The following PTPRN2 variants were observed in gnomAD, a reference collection of about 807,000 sequenced individuals.
PTPRN2 encodes the protein protein tyrosine phosphatase receptor type N2.
PTPRN2 carries 74 observed loss-of-function variants against 118.8 expected under a neutral mutation model. The observed-to-expected ratio is 0.62, with a 90% confidence interval of 0.52 to 0.76. The LOEUF is 0.76. Among genes scored for constraint, PTPRN2 ranks in the 30% least tolerant of loss-of-function variants. The pLI is 0.00. For missense variants in PTPRN2, 1,481 were observed against 1,394.4 expected (o/e 1.06, Z -0.99); for synonymous variants, 641 against 608.0 (o/e 1.05, Z -0.80).
rs537054501 is a variant in PTPRN2 at position 158,328,907 on chromosome 7, C to T, written c.164-11975G>A. Among the ~76,000 whole-genome samples, 26 of 150,522 alleles carry T rather than the reference C, an allele frequency of 1.7e-4. No individual in the cohort carries two copies. The East Asian group carries it at 5.1e-3, about 30-fold the overall frequency. On this transcript the variant is annotated intron_variant, in intron 2 of 22. Transcript: ENST00000389418. ...CTGTTCCTCTCGCCACCCAGGGATC[C>T]CAGTGAGGCCTGGGACGGTAAATCC...
intron 1 of PTPRN2, among the ~76,000 whole-genome samples, chr7:158,518,114 T>C (rs894574029): frequency 2.0e-5 from 3 of 152,042 alleles, no homozygotes; most frequent in Non-Finnish European, 4.4e-5. Flanking sequence ...AGGGCAAGAG[T>C]GGGTTTATCT....
At chr7:157,898,918 T>C (rs1797285677) in intron 11 of PTPRN2, among the ~76,000 whole-genome samples, 181 bp from the exon 12 acceptor site, 1 of 152,212 alleles carries the variant, frequency 6.6e-6, no homozygotes, top group African/African-American at 2.4e-5. Flanking sequence ...ATTTTCCCAC[T>C]GACCCAGTGT....
At chr7:158,226,885 G>C (rs1386017285) in intron 3 of PTPRN2, among the ~76,000 whole-genome samples, 1 of 152,038 alleles carries the variant, frequency 6.6e-6, no homozygotes, top group Non-Finnish European at 1.5e-5. Context: ...GTCATTAATG[G>C]GCTGTGGCTT....
chr7:157,652,616 C>T (rs551800775), intron 14 of PTPRN2, among the ~76,000 whole-genome samples: 8 of 152,294 alleles, frequency 5.3e-5, no homozygotes, highest in Middle Eastern at 6.8e-3. Flanking sequence ...GTCCCTGAGA[C>T]GTGTGCTCTC....
At position 157,881,224 on chromosome 7, in the gene PTPRN2, G is replaced by A. The variant is rs767622032; in HGVS notation, c.1788+17449C>T. Reference sequence around the variant, plus strand: ...TGTGGAGATGGGGGTGTTTACAGTAGTCATTATGGTAAAATGAGGTCATGA... The same window carrying A: ...TGTGGAGATGGGGGTGTTTACAGTAATCATTATGGTAAAATGAGGTCATGA... On this transcript the variant is annotated intron_variant, in intron 12 of 22. Coordinates refer to ENST00000389418, the MANE Select transcript of PTPRN2 (RefSeq NM_002847.5). This position sits in a 1 kb window ranked among gnomAD's most constrained non-coding sequence, Gnocchi z 4.7. 1.6e-3 allele frequency among the ~76,000 whole-genome samples: 224 copies of A among 143,464 alleles called. 1 individual carries two copies. The highest frequency in any genetic ancestry group is 3.4e-3 in the African/African-American group (121 of 35,290). 94.1% of individuals were successfully genotyped at this position (143,464 alleles called of 152,430 possible).
At chr7:157,838,248 C>T (rs1808119096) in intron 12 of PTPRN2, among the ~76,000 whole-genome samples, 1 of 149,594 alleles carries the variant, frequency 6.7e-6, no homozygotes, top group Non-Finnish European at 1.5e-5. Flanking sequence ...TAGTGGATGG[C>T]ACGGGAGAAA....
chr7:157,689,882 G>C (rs1464860941), intron 12 of PTPRN2, among the ~76,000 whole-genome samples: 5 of 152,180 alleles, frequency 3.3e-5, no homozygotes, highest in Non-Finnish European at 7.4e-5. Flanking sequence ...CCCATGGCTC[G>C]GAGGCGCGCT....
At chr7:158,313,613 C>T (rs1292356467) in intron 3 of PTPRN2, among the ~76,000 whole-genome samples, 1 of 152,062 alleles carries the variant, frequency 6.6e-6, no homozygotes, top group African/African-American at 2.4e-5. Context: ...CCTGGGACCC[C>T]CCTATCCCCA....
chr7:158,424,952 A>G (rs1274284757), intron 2 of PTPRN2, among the ~76,000 whole-genome samples: 2 of 152,194 alleles, frequency 1.3e-5, no homozygotes, highest in African/African-American at 4.8e-5. Context: ...CTCCCATACC[A>G]GCTCACCAGG....
intron 2 of PTPRN2, among the ~76,000 whole-genome samples, chr7:158,362,417 T>C (rs1007825440): frequency 6.6e-6 from 1 of 152,306 alleles, no homozygotes; most frequent in East Asian, 1.9e-4. Context: ...TTGACTTTAT[T>C]TGTAATTAAA....
chr7:157,928,301 A>G (rs182390392), intron 11 of PTPRN2, among the ~76,000 whole-genome samples: 66 of 152,282 alleles, frequency 4.3e-4, no homozygotes, highest in African/African-American at 1.6e-3. Flanking sequence ...AGCGGGCGGC[A>G]TCAGGCCTCT....
At chr7:158,123,755 G>A (rs1458097710) in intron 9 of PTPRN2, among the ~76,000 whole-genome samples, 4 of 152,206 alleles carry the variant, frequency 2.6e-5, no homozygotes, top group African/African-American at 7.2e-5. Flanking sequence ...TAAAGATCTA[G>A]GTACGGAAGG....
chr7:157,898,352 C>T (rs1797251195), intron 12 of PTPRN2, among the ~76,000 whole-genome samples: 1 of 152,202 alleles, frequency 6.6e-6, no homozygotes, highest in Non-Finnish European at 1.5e-5. Context: ...ACACACTTGG[C>T]AACTACAAAA....
At chr7:157,660,911 C>T (rs1795852074) in intron 13 of PTPRN2, among the ~76,000 whole-genome samples, 1 of 152,232 alleles carries the variant, frequency 6.6e-6, no homozygotes, top group Admixed American at 6.5e-5. Flanking sequence ...TGCACCACCA[C>T]ACCCAGCTAA....
chr7:157,635,161 G>A (rs748897975), intron 14 of PTPRN2, among the ~76,000 whole-genome samples: 3 of 152,274 alleles, frequency 2.0e-5, no homozygotes, highest in African/African-American at 4.8e-5. Flanking sequence ...AATGGCAGGT[G>A]TGCGTTAGGC....
At chr7:157,864,278 C>G (rs2151241755) in intron 12 of PTPRN2, 2 of 152,412 alleles carry the variant, frequency 1.3e-5, no homozygotes, top group African/African-American at 4.8e-5. Context: ...CATCCAGGGT[C>G]CAGCCCACCC....
intron 1 of PTPRN2, among the ~76,000 whole-genome samples, chr7:158,522,010 ACG>A (rs1824162727): frequency 1.2e-5 from 1 of 86,166 alleles, no homozygotes; most frequent in Non-Finnish European, 2.3e-5. Flanking sequence ...AGGGAGGTCC[ACG>A]TCACAATGGT....
intron 12 of PTPRN2, among the ~76,000 whole-genome samples, chr7:157,862,363 C>T (rs1042107084): frequency 2.0e-5 from 3 of 152,240 alleles, no homozygotes; most frequent in Admixed American, 1.3e-4. Flanking sequence ...GACTTGAGCC[C>T]ACGGCTAGGG....
chr7:158,085,001 A>G (rs931588204), intron 10 of PTPRN2, among the ~76,000 whole-genome samples: 5 of 80,146 alleles, frequency 6.2e-5, no homozygotes, highest in Non-Finnish European at 1.2e-4. Flanking sequence ...ATGCCCATAC[A>G]CTCCGACACC....
Sources: allele counts gnomAD v4.1 joint callset (sites outside exome capture counted in the v4.1 genomes callset), GRCh38; gene constraint gnomAD v4.1.1; non-coding constraint Gnocchi (gnomAD v3.1); transcripts MANE v1.5; gene names NCBI Gene and HGNC (gene_info 2026-07-23, HGNC 2026-07-21).